Variants in TNNI3K observed in about 807,000 individuals in gnomAD.
TNNI3K encodes the protein serine/threonine-protein kinase TNNI3K.
TNNI3K carries 140 observed loss-of-function variants against 114.5 expected under a neutral mutation model. The observed-to-expected ratio is 1.22, with a 90% confidence interval of 1.07 to 1.41. The LOEUF is 1.41. Among genes scored for constraint, TNNI3K ranks in the 40% most tolerant of loss-of-function variants. TNNI3K has a pLI of 0.00. For synonymous variants in TNNI3K, 347 were observed against 347.5 expected (o/e 1.00, Z 0.02); for missense variants, 1,125 against 1,007.6 (o/e 1.12, Z -1.58).
chr1:74,529,275 G>T (rs1158216042), intron 23 of TNNI3K, among the ~76,000 whole-genome samples: 1 of 152,132 alleles, frequency 6.6e-6, no homozygotes, highest in African/African-American at 2.4e-5. Flanking sequence ...AAATCAAAAT[G>T]TGATGGGACA....
intron 5 of TNNI3K, among the ~76,000 whole-genome samples, chr1:74,303,322 C>T (rs1489422399): frequency 6.6e-6 from 1 of 152,000 alleles, no homozygotes; most frequent in East Asian, 1.9e-4. Context: ...GCCACCATGC[C>T]CAGATATTTT....
chr1:74,285,392 C>T (rs1390730235), intron 5 of TNNI3K, among the ~76,000 whole-genome samples: 2 of 152,104 alleles, frequency 1.3e-5, no homozygotes, highest in Admixed American at 6.6e-5. Flanking sequence ...TTTGTATGCC[C>T]CGTGTTTCTA....
Position 74,367,964 on chromosome 1 carries a change from G to C in TNNI3K, c.1321G>C (p.Glu441Gln). ...GGGGAAGATTAAAAGCATGACAAAA[G>C]GTACCTATAATCTGGGACAATTGTT... Reference protein sequence around the residue: ...PLGKIKSMTKEKADILLLRAG... With the variant: ...PLGKIKSMTKQKADILLLRAG... The change falls in exon 13 of 25, where the codon GAG becomes CAG. Residue 441 changes from glutamate (E) to glutamine (Q), a missense_variant and splice_region_variant. Coordinates refer to ENST00000326637, the MANE Select transcript of TNNI3K (RefSeq NM_015978.3). 6.4e-7 allele frequency: 1 copy of C among 1,558,262 alleles called. No homozygotes were observed. Among genetic ancestry groups the C allele is most frequent in the Admixed American group, 2.0e-5 (1 of 49,816 alleles).
intron 21 of TNNI3K, chr1:74,475,687 T>C: frequency 2.8e-6 from 2 of 715,098 alleles, no homozygotes; most frequent in East Asian, 5.4e-5. Context: ...TCTTGCCTCA[T>C]GAGCACACAG....
chr1:74,238,092 A>T (rs185535924), intron 2 of TNNI3K, among the ~76,000 whole-genome samples: 30 of 152,150 alleles, frequency 2.0e-4, no homozygotes, highest in African/African-American at 6.5e-4. Context: ...GTAGATAAAA[A>T]GCATAGTTAA....
At chr1:74,252,801 A>T (rs1187698832) in intron 4 of TNNI3K, among the ~76,000 whole-genome samples, 1 of 152,160 alleles carries the variant, frequency 6.6e-6, no homozygotes, top group Non-Finnish European at 1.5e-5. Flanking sequence ...GTTACAGCTC[A>T]TAAAGGCAGT....
chr1:74,433,237 G>T (rs1192759832), intron 17 of TNNI3K, among the ~76,000 whole-genome samples: 1 of 151,898 alleles, frequency 6.6e-6, no homozygotes. Context: ...CTCCTTCCCT[G>T]GTATCCTCAA....
chr1:74,435,982 C>T, intron 17 of TNNI3K, 98 bp from the exon 18 acceptor site: 1 of 1,458,602 alleles, frequency 6.9e-7, no homozygotes, highest in Non-Finnish European at 9.1e-7. Flanking sequence ...CTAGGGCAAA[C>T]AAATGATGTC....
chr1:74,417,532 C>A (rs890882789), intron 17 of TNNI3K, among the ~76,000 whole-genome samples: 1 of 152,070 alleles, frequency 6.6e-6, no homozygotes, highest in Non-Finnish European at 1.5e-5. Flanking sequence ...TCTCAGCCTT[C>A]TTCTGCTGCC....
chr1:74,302,301 C>T (rs112885425), intron 5 of TNNI3K, among the ~76,000 whole-genome samples: 19 of 152,316 alleles, frequency 1.2e-4, no homozygotes, highest in African/African-American at 4.6e-4. Flanking sequence ...TCTTTCTCTC[C>T]TTGGGCCTAC....
chr1:74,439,633 C>T lies in TNNI3K; in HGVS notation c.2011+11C>T. 1 of 1,611,498 alleles carries T rather than the reference C, an allele frequency of 6.2e-7. No individual in the cohort carries two copies. The highest frequency in any genetic ancestry group is 8.5e-7 in the Non-Finnish European group (1 of 1,179,068). Reference sequence around the variant, plus strand: ...CTCATCTCAAGCCAGGTAAGACACACTGCAATTGAAGTTTTCCTGTTTTAC... The same window carrying T: ...CTCATCTCAAGCCAGGTAAGACACATTGCAATTGAAGTTTTCCTGTTTTAC... On this transcript the variant is annotated intron_variant, in intron 20 of 24. Transcript: ENST00000326637.
intron 13 of TNNI3K, 110 bp downstream of exon 13, chr1:74,368,074 G>C: frequency 9.4e-7 from 1 of 1,066,358 alleles, no homozygotes. Flanking sequence ...TATTTTACAA[G>C]CACAACAAAT....
At chr1:74,394,446 G>A (rs1663965551) in intron 17 of TNNI3K, among the ~76,000 whole-genome samples, 1 of 152,122 alleles carries the variant, frequency 6.6e-6, no homozygotes. Context: ...CCATTTCCAA[G>A]ACAAAGTGCC....
At chr1:74,277,897 T>A (rs548139166) in intron 5 of TNNI3K, among the ~76,000 whole-genome samples, 80 of 152,330 alleles carry the variant, frequency 5.3e-4, no homozygotes, top group African/African-American at 1.7e-3. Context: ...AAACACTTAT[T>A]CAATCACTGC....
intron 23 of TNNI3K, among the ~76,000 whole-genome samples, chr1:74,539,706 T>A (rs1049718477): frequency 1.2e-4 from 18 of 152,082 alleles, no homozygotes; most frequent in Non-Finnish European, 2.2e-4. Context: ...ATTGTTCCAG[T>A]GTCAGTTTTG....
chr1:74,264,777 G>A (rs1218749067), intron 4 of TNNI3K, among the ~76,000 whole-genome samples: 1 of 152,014 alleles, frequency 6.6e-6, no homozygotes, highest in Non-Finnish European at 1.5e-5. Flanking sequence ...TCTTGGGACA[G>A]AGTGGACTAA....
intron 5 of TNNI3K, among the ~76,000 whole-genome samples, chr1:74,319,898 G>A (rs567088789): frequency 6.6e-6 from 1 of 152,298 alleles, no homozygotes; most frequent in Non-Finnish European, 1.5e-5. Context: ...GGCTCCAAGA[G>A]CAATGGTTTT....
intron 21 of TNNI3K, among the ~76,000 whole-genome samples, chr1:74,478,254 T>A (rs2100242963): frequency 6.6e-6 from 1 of 152,282 alleles, no homozygotes; most frequent in Admixed American, 6.5e-5. Context: ...AATTTAACAA[T>A]TATTTGATGA....
chr1:74,481,144 T>A (rs1327485731), intron 21 of TNNI3K, among the ~76,000 whole-genome samples: 1 of 152,232 alleles, frequency 6.6e-6, no homozygotes, highest in Non-Finnish European at 1.5e-5. Context: ...GGAAGCTGGC[T>A]ATATATCAAA....
Sources: allele counts gnomAD v4.1 joint callset (sites outside exome capture counted in the v4.1 genomes callset), GRCh38; gene constraint gnomAD v4.1.1; transcripts MANE v1.5; gene names NCBI Gene and HGNC (gene_info 2026-07-23, HGNC 2026-07-21).